The following HSF5 variants were observed in gnomAD, a reference collection of about 807,000 sequenced individuals.
HSF5 encodes the protein heat shock factor protein 5.
A neutral mutation model predicts 50.8 loss-of-function variants in HSF5; 5 were observed. The observed-to-expected ratio is 0.10, with a 90% CI of 0.05 to 0.21. The LOEUF is 0.21. HSF5 is among the 10% of genes least tolerant of loss of function. The pLI, the probability that HSF5 is intolerant of heterozygous loss-of-function variation, is 1.00. For synonymous variants in HSF5, 307 were observed against 307.4 expected (o/e 1.00, Z 0.02); for missense variants, 564 against 762.6 (o/e 0.74, Z 3.07).
intron 5 of HSF5, among the ~76,000 whole-genome samples, chr17:58,436,003 T>C (rs961144725): frequency 6.6e-6 from 1 of 152,172 alleles, no homozygotes; most frequent in Admixed American, 6.5e-5. Context: ...ACTAAGCCAG[T>C]TCTATGATTT....
At chr17:58,465,273 T>C (rs990799874) in intron 3 of HSF5, among the ~76,000 whole-genome samples, 1 of 150,360 alleles carries the variant, frequency 6.7e-6, no homozygotes, top group Non-Finnish European at 1.5e-5. Flanking sequence ...CCTCCCACCA[T>C]GGCCTCCCAA....
Position 58,425,575 on chromosome 17 carries a change from C to CAAAAAAAAAAAAAAAA in HSF5, c.1721-3161_1721-3146dup, listed in dbSNP as rs66502039. Among the ~76,000 whole-genome samples, 2 of 32,990 alleles carry CAAAAAAAAAAAAAAAA rather than the reference C, an allele frequency of 6.1e-5. 1 individual carries two copies. The highest frequency in any genetic ancestry group is 2.9e-4 in the African/African-American group (2 of 6,806). 21.6% of individuals were successfully genotyped at this position (32,990 alleles called of 152,430 possible). On this transcript the variant is annotated intron_variant, in intron 5 of 5. Transcript: ENST00000323777. ...GGGCAACATAGTAAGACCTCTATCT[C>CAAAAAAAAAAAAAAAA]AAAAAAAAAAAAAAAAAAAAAAAAA...
intron 5 of HSF5, among the ~76,000 whole-genome samples, chr17:58,452,412 T>A (rs546355008): frequency 6.6e-6 from 1 of 152,024 alleles, no homozygotes; most frequent in Non-Finnish European, 1.5e-5. Flanking sequence ...CTAGAAGAAA[T>A]GGATAAATTC....
In HSF5 at chr17:58,488,096, C is replaced by T; in HGVS notation, c.179G>A (p.Gly60Asp). Residue 60 changes from glycine (G) to aspartate (D), a missense_variant, in exon 1 of 6, where the codon GGC becomes GAC. Transcript: ENST00000323777. The surrounding 1 kb of genome is among the most constrained non-coding windows in gnomAD (Gnocchi z 4.1). ...LLSPPGPGGG[G>D]GTAGAGAEPE... ...CTCGGCCCCGGCCCCCGCAGTCCCG[C>T]CACCGCCCCCCGGCCCGGGCGGGCT... 1 of 1,570,462 alleles carries T rather than the reference C, an allele frequency of 6.4e-7. No homozygotes were observed. Among genetic ancestry groups the T allele is most frequent in the Non-Finnish European group, 8.6e-7 (1 of 1,165,604 alleles).
chr17:58,461,188 C>A (rs530260366), intron 4 of HSF5, among the ~76,000 whole-genome samples: 1 of 150,004 alleles, frequency 6.7e-6, no homozygotes, highest in South Asian at 2.1e-4. Context: ...CACTCCAGCC[C>A]GAGCAACAGA....
At chr17:58,485,625 T>C (rs1294268353) in intron 1 of HSF5, among the ~76,000 whole-genome samples, 2 of 151,256 alleles carry the variant, frequency 1.3e-5, no homozygotes, top group East Asian at 2.0e-4. Context: ...GCCACGCCTG[T>C]AGTCCCAGCT....
At chr17:58,448,330 T>C (rs1423601551) in intron 5 of HSF5, among the ~76,000 whole-genome samples, 1 of 151,868 alleles carries the variant, frequency 6.6e-6, no homozygotes, top group Non-Finnish European at 1.5e-5. Context: ...AAATAAACAG[T>C]AACAGAACAC....
intron 5 of HSF5, among the ~76,000 whole-genome samples, chr17:58,439,577 C>T (rs577862989): frequency 9.9e-5 from 15 of 152,108 alleles, no homozygotes; most frequent in African/African-American, 3.6e-4. Flanking sequence ...CTCCACCTCC[C>T]GGGTTCAAGC....
Position 58,421,454 on chromosome 17 carries a change from G to C in HSF5, c.*906C>G, listed in dbSNP as rs1043261396. The C allele has an allele frequency of 6.6e-6, 1 of 152,288 alleles. No homozygotes were observed. Among genetic ancestry groups the C allele is most frequent in the Non-Finnish European group, 1.5e-5 (1 of 67,996 alleles). 9.4% of individuals were successfully genotyped at this position (152,288 alleles called of 1,614,324 possible). A position where few individuals can be genotyped will look rare whatever the true frequency, so the allele number is the denominator to read the frequency against. On this transcript the variant is annotated 3_prime_UTR_variant, in exon 6 of 6. Coordinates refer to ENST00000323777, the MANE Select transcript of HSF5 (RefSeq NM_001080439.3). Reference sequence around the variant, plus strand: ...GTATATTAAATCTCTTAATGTTTTTGTTCACACATTGTACATTTTCCTTTC... The same window carrying C: ...GTATATTAAATCTCTTAATGTTTTTCTTCACACATTGTACATTTTCCTTTC...
At chr17:58,477,120 T>A (rs1975025664) in intron 2 of HSF5, among the ~76,000 whole-genome samples, 1 of 148,016 alleles carries the variant, frequency 6.8e-6, no homozygotes, top group Non-Finnish European at 1.5e-5. Context: ...TATATACTTT[T>A]TTTTTTTTTT....
At chr17:58,460,397 C>T (rs1974775134) in intron 4 of HSF5, among the ~76,000 whole-genome samples, 1 of 151,638 alleles carries the variant, frequency 6.6e-6, no homozygotes, top group Non-Finnish European at 1.5e-5. Flanking sequence ...CTGAAATACT[C>T]CATTTCTTTA....
intron 5 of HSF5, among the ~76,000 whole-genome samples, chr17:58,430,837 G>T (rs1320489113): frequency 2.0e-5 from 3 of 152,042 alleles, no homozygotes; most frequent in African/African-American, 7.2e-5. Flanking sequence ...TTAACAATGG[G>T]GATATGTTCT....
At chr17:58,455,233 G>A (rs993945288) in intron 5 of HSF5, among the ~76,000 whole-genome samples, 16 of 152,024 alleles carry the variant, frequency 1.1e-4, no homozygotes, top group African/African-American at 2.7e-4. Flanking sequence ...GAGAAAGGAC[G>A]GTCTCCTCAA....
intron 1 of HSF5, among the ~76,000 whole-genome samples, chr17:58,483,331 TAA>T (rs1975126194): frequency 6.6e-6 from 1 of 152,224 alleles, no homozygotes; most frequent in Admixed American, 6.5e-5. Flanking sequence ...CAGTCAAGAT[TAA>T]AAGAACATTC....
Position 58,422,287 on chromosome 17 carries a change from C to A in HSF5, c.*73G>T. On this transcript the variant is annotated 3_prime_UTR_variant, in exon 6 of 6. Transcript: ENST00000323777. ...CTTAACAGAACTGAAAAAATCCCAA[C>A]AGTTTGTCATGTGCAAGGCTAGTCT... The A allele has an allele frequency of 1.0e-5, 11 of 1,068,176 alleles. No individual in the cohort carries two copies. The South Asian group carries it at 1.5e-4, about 15-fold the overall frequency. The allele number at this position is 1,068,176 out of a possible 1,614,324, so 66.2% of individuals were successfully genotyped here. A position where few individuals can be genotyped will look rare whatever the true frequency, so the allele number is the denominator to read the frequency against.
At position 58,487,566 on chromosome 17, in the gene HSF5, C is replaced by T. The variant is rs1036960182; in HGVS notation, c.550+159G>A. 1.1e-4 allele frequency among the ~76,000 whole-genome samples: 17 copies of T among 152,310 alleles called. No individual in the cohort carries two copies. In the Middle Eastern group the frequency reaches 0.01, roughly 92 times the overall value. On this transcript the variant is annotated intron_variant, in intron 1 of 5. Transcript: ENST00000323777. ...GTGCCGCTGAGAACGGCGGCGGTGG[C>T]GGGACCGCCAGTCTCGGGAAGCACA...
intron 2 of HSF5, among the ~76,000 whole-genome samples, chr17:58,475,857 G>C (rs939031038): frequency 1.2e-4 from 18 of 152,134 alleles, no homozygotes; most frequent in African/African-American, 4.3e-4. Flanking sequence ...TCGTAGTGTT[G>C]ATTCCATACA....
intron 2 of HSF5, among the ~76,000 whole-genome samples, chr17:58,479,028 G>A (rs1310816916): frequency 6.6e-6 from 1 of 151,804 alleles, no homozygotes; most frequent in Non-Finnish European, 1.5e-5. Context: ...CAGGTCAGTT[G>A]TCATTGTCAG....
intron 5 of HSF5, among the ~76,000 whole-genome samples, chr17:58,456,151 ATG>A (rs1046745282): frequency 1.5e-4 from 19 of 126,858 alleles, no homozygotes; most frequent in Non-Finnish European, 2.5e-4. Context: ...ATATATATAT[ATG>A]TGTGTGTGTA....
Sources: allele counts gnomAD v4.1 joint callset (sites outside exome capture counted in the v4.1 genomes callset), GRCh38; gene constraint gnomAD v4.1.1; non-coding constraint Gnocchi (gnomAD v3.1); transcripts MANE v1.5; gene names NCBI Gene and HGNC (gene_info 2026-07-23, HGNC 2026-07-21).